Variants in DLC1 observed in about 807,000 individuals in gnomAD.
DLC1 encodes DLC1 Rho GTPase activating protein, also known as rho GTPase-activating protein 7.
DLC1 carries 54 observed loss-of-function variants against 140.3 expected under a neutral mutation model. The observed-to-expected ratio is 0.38, with a 90% CI of 0.31 to 0.48. DLC1 has a LOEUF of 0.48. DLC1 is among the 20% of genes least tolerant of loss of function. The probability of loss-of-function intolerance (pLI) is 0.96; values close to 1 mark genes in which losing one functional copy is unlikely to be tolerated. For synonymous variants in DLC1, 986 were observed against 728.1 expected, an observed-to-expected ratio of 1.35 and a Z score of -5.70; for missense variants, 2,536 against 1,907.0, an observed-to-expected ratio of 1.33 and a Z score of -6.14.
At chr8:13,521,010 A>G (rs750333913) in intron 1 of DLC1, among the ~76,000 whole-genome samples, 1 of 152,180 alleles carries the variant, frequency 6.6e-6, no homozygotes, top group Non-Finnish European at 1.5e-5. Context: ...TGCCCAGCCC[A>G]TGAGTGATAG....
At chr8:13,379,378 A>G (rs1030501701) in intron 4 of DLC1, among the ~76,000 whole-genome samples, 2 of 152,266 alleles carry the variant, frequency 1.3e-5, no homozygotes, top group Admixed American at 1.3e-4. Flanking sequence ...TTAAGTCAAA[A>G]ATGCACTTAA....
At chr8:13,298,097 G>A (rs779933907) in intron 5 of DLC1, among the ~76,000 whole-genome samples, 1 of 152,148 alleles carries the variant, frequency 6.6e-6, no homozygotes, top group Non-Finnish European at 1.5e-5. Flanking sequence ...ACAAAGTTTG[G>A]AGAGACCGTG....
chr8:13,156,540 C>T (rs1169730049), intron 5 of DLC1, among the ~76,000 whole-genome samples: 1 of 152,214 alleles, frequency 6.6e-6, no homozygotes, highest in Admixed American at 6.5e-5. Flanking sequence ...CTCGGAAATT[C>T]TGACTCTTGA....
rs746186117 is a variant in DLC1, at chr8:13,372,174, G to GC, written c.1314+21378_1314+21379insG. 3.9e-4 allele frequency among the ~76,000 whole-genome samples: 59 copies of GC among 152,164 alleles called. 1 individual carries two copies. In the Middle Eastern group the frequency reaches 0.024, roughly 61 times the overall value. ...TGTGTGTGTGTGTGTGGCTTTGATA[G>GC]TGGGAAATAGAAAACTAAATGTCTG... On this transcript the variant is annotated intron_variant, in intron 4 of 17. Transcript: ENST00000276297.
chr8:13,198,553 C>G (rs1423435549), intron 5 of DLC1, among the ~76,000 whole-genome samples: 2 of 152,130 alleles, frequency 1.3e-5, no homozygotes, highest in African/African-American at 4.8e-5. Context: ...TTCTATATGA[C>G]TTCAAATTTT....
intron 4 of DLC1, among the ~76,000 whole-genome samples, chr8:13,323,543 T>C (rs1224266315): frequency 6.6e-6 from 1 of 152,198 alleles, no homozygotes; most frequent in Non-Finnish European, 1.5e-5. Flanking sequence ...ATGGTCATCC[T>C]TTATTAATTT....
chr8:13,106,459 C>T (rs557300255), intron 7 of DLC1, among the ~76,000 whole-genome samples: 5 of 152,222 alleles, frequency 3.3e-5, no homozygotes, highest in South Asian at 4.1e-4. Context: ...AGGATCCTCC[C>T]GCCTCAGCCT....
intron 2 of DLC1, among the ~76,000 whole-genome samples, chr8:13,426,575 T>C (rs1021724353): frequency 6.6e-6 from 1 of 152,146 alleles, no homozygotes; most frequent in African/African-American, 2.4e-5. Context: ...TCTCAGAAGG[T>C]CCCAGAATTT....
intron 1 of DLC1, chr8:13,567,762 C>A (rs1439547544): frequency 1.3e-6 from 2 of 1,551,952 alleles, no homozygotes. Context: ...TTTCAGATGA[C>A]CCCAGAATAA....
intron 1 of DLC1, among the ~76,000 whole-genome samples, chr8:13,552,107 AGGTGTATATATATAT>A (rs1803880784): frequency 1.1e-5 from 1 of 88,070 alleles, no homozygotes. Context: ...ACCTGTCTAG[AGGTGTATATATATAT>A]ATATATATAT....
At chr8:13,549,462 C>T (rs1004210966) in intron 1 of DLC1, among the ~76,000 whole-genome samples, 5 of 152,122 alleles carry the variant, frequency 3.3e-5, no homozygotes, top group African/African-American at 1.2e-4. Flanking sequence ...TTCAACCCTC[C>T]AATTACATTT....
At chr8:13,535,797 T>G (rs1016487612) in intron 1 of DLC1, among the ~76,000 whole-genome samples, 2 of 152,092 alleles carry the variant, frequency 1.3e-5, no homozygotes, top group Non-Finnish European at 2.9e-5. Flanking sequence ...TTATAAAATG[T>G]CTATTGATAT....
At chr8:13,136,117 A>G (rs1328277700) in intron 5 of DLC1, among the ~76,000 whole-genome samples, 1 of 152,252 alleles carries the variant, frequency 6.6e-6, no homozygotes, top group Non-Finnish European at 1.5e-5. Context: ...GCTTAAGAGA[A>G]TGGTGGTTGA....
At chr8:13,309,912 C>A (rs1201470875) in intron 4 of DLC1, among the ~76,000 whole-genome samples, 1 of 151,986 alleles carries the variant, frequency 6.6e-6, no homozygotes. Context: ...TTTCTACTTT[C>A]TCTGATTTTA....
chr8:13,255,223 G>A (rs1830171563), intron 5 of DLC1, among the ~76,000 whole-genome samples: 1 of 152,016 alleles, frequency 6.6e-6, no homozygotes, highest in African/African-American at 2.4e-5. Context: ...TGCCCACCTA[G>A]GCTTCCCAAA....
At chr8:13,183,996 T>A (rs901436216) in intron 5 of DLC1, among the ~76,000 whole-genome samples, 5 of 152,216 alleles carry the variant, frequency 3.3e-5, no homozygotes, top group African/African-American at 4.8e-5. Context: ...TTTCAGAGCC[T>A]GTTATTGGTC....
rs532390924 is a variant in DLC1, at chr8:13,604,250, C to T, written c.-126+287G>A. ...CAAAAAATTATGTGACAGAGGATTA[C>T]AATGATCAATTATTGTTAATATGTC... On this transcript the variant is annotated intron_variant, in intron 1 of 1. Transcript: ENST00000631382. 1.8e-4 allele frequency among the ~76,000 whole-genome samples: 28 copies of T among 152,178 alleles called. No homozygotes were observed. In the South Asian group the frequency reaches 5.2e-3, roughly 28 times the overall value.
At chr8:13,259,092 A>C (rs989911683) in intron 5 of DLC1, among the ~76,000 whole-genome samples, 6 of 148,418 alleles carry the variant, frequency 4.0e-5, no homozygotes, top group African/African-American at 1.2e-4. Flanking sequence ...AGCCGAGATC[A>C]CACCATTGCA....
intron 1 of DLC1, among the ~76,000 whole-genome samples, chr8:13,545,317 CTA>C (rs199529541): frequency 9.4e-5 from 14 of 148,566 alleles, no homozygotes; most frequent in South Asian, 4.2e-4. Context: ...ATATATGCTA[CTA>C]TATATATATA....
Sources: gnomAD v4.1 joint callset for allele counts (sites outside exome capture counted in the v4.1 genomes callset) on GRCh38, gnomAD v4.1.1 for gene constraint, MANE v1.5 for transcripts, NCBI Gene and HGNC (gene_info 2026-07-23, HGNC 2026-07-21) for gene names.